The following CCBE1 variants were observed in gnomAD, a reference collection of about 807,000 sequenced individuals.
The protein encoded by CCBE1 is collagen and calcium-binding EGF domain-containing protein 1.
Under a neutral mutation model 50.0 loss-of-function variants are expected in CCBE1, and 37 were observed. The observed-to-expected ratio is 0.74, with a 90% CI of 0.57 to 0.97. The LOEUF is 0.97. Ranked by LOEUF, CCBE1 falls within the 50% of genes least tolerant of loss-of-function variation. CCBE1 has a pLI of 0.00. For missense variants in CCBE1, 538 were observed against 523.8 expected, an observed-to-expected ratio of 1.03 and a Z score of -0.26; for synonymous variants, 234 against 203.7, an observed-to-expected ratio of 1.15 and a Z score of -1.27.
At chr18:59,661,465 A>G (rs1470440124) in intron 2 of CCBE1, among the ~76,000 whole-genome samples, 4 of 152,192 alleles carry the variant, frequency 2.6e-5, no homozygotes, top group South Asian at 2.1e-4. Flanking sequence ...TTTAACTTCC[A>G]TAGTTAATGA....
intron 5 of CCBE1, among the ~76,000 whole-genome samples, chr18:59,460,445 T>C (rs550332855): frequency 2.0e-5 from 3 of 152,354 alleles, no homozygotes; most frequent in South Asian, 4.1e-4. Context: ...AGCTTACTAA[T>C]TAGTCCAAAA....
chr18:59,665,431 T>C (rs1396761770), intron 2 of CCBE1, among the ~76,000 whole-genome samples: 1 of 152,194 alleles, frequency 6.6e-6, no homozygotes. Flanking sequence ...CATTTAAAAA[T>C]AAGTGTTGGG....
In CCBE1 at chr18:59,590,463, A is replaced by G. The variant is rs148239956; in HGVS notation, c.212+106166T>C. Reference sequence around the variant, plus strand: ...TCTCCTTAATTTATAAATTTCAATAAAATTACAAACTCCAAAAATATCAAA... The same window carrying G: ...TCTCCTTAATTTATAAATTTCAATAGAATTACAAACTCCAAAAATATCAAA... On this transcript the variant is annotated intron_variant, in intron 2 of 10. Coordinates refer to ENST00000439986, the MANE Select transcript of CCBE1 (RefSeq NM_133459.4). Among the ~76,000 whole-genome samples, 2 of 152,328 alleles carry G rather than the reference A, an allele frequency of 1.3e-5. 1 individual carries two copies. Among genetic ancestry groups the G allele is most frequent in the African/African-American group, 4.8e-5 (2 of 41,578 alleles).
intron 2 of CCBE1, among the ~76,000 whole-genome samples, chr18:59,619,468 C>T (rs573820746): frequency 2.0e-5 from 3 of 152,320 alleles, no homozygotes; most frequent in South Asian, 2.1e-4. Context: ...TACATTTGCA[C>T]ACCACTGTGG....
intron 2 of CCBE1, among the ~76,000 whole-genome samples, chr18:59,606,535 C>T (rs749917943): frequency 6.6e-6 from 1 of 152,124 alleles, no homozygotes; most frequent in Non-Finnish European, 1.5e-5. Flanking sequence ...GATAACATCC[C>T]GTCCGTATGT....
At chr18:59,577,063 C>T (rs1340790182) in intron 2 of CCBE1, among the ~76,000 whole-genome samples, 4 of 152,192 alleles carry the variant, frequency 2.6e-5, no homozygotes, top group South Asian at 4.1e-4. Flanking sequence ...TTTCCTTCTC[C>T]GAAGGGTCCT....
intron 5 of CCBE1, chr18:59,465,068 C>G (rs1031774055): frequency 6.6e-6 from 1 of 152,262 alleles, no homozygotes; most frequent in Non-Finnish European, 1.5e-5. Context: ...GCACCAGCCT[C>G]AGGCCCTCTA....
At chr18:59,547,808 G>A (rs1459268735) in intron 2 of CCBE1, among the ~76,000 whole-genome samples, 1 of 152,208 alleles carries the variant, frequency 6.6e-6, no homozygotes, top group Non-Finnish European at 1.5e-5. Flanking sequence ...CAGAAGCAGA[G>A]TGCTGGGGCA....
intron 2 of CCBE1, among the ~76,000 whole-genome samples, chr18:59,510,084 A>G (rs1163356074): frequency 1.3e-5 from 2 of 152,166 alleles, no homozygotes; most frequent in Non-Finnish European, 1.5e-5. Context: ...AGATCCAAAT[A>G]CCGCCAACAC....
At chr18:59,685,801 T>C (rs781634767) in intron 2 of CCBE1, 2 of 152,228 alleles carry the variant, frequency 1.3e-5, no homozygotes, top group South Asian at 2.1e-4. Context: ...TCTGTTGTTA[T>C]AGTGATATAG....
At chr18:59,663,624 G>C (rs550409950) in intron 2 of CCBE1, among the ~76,000 whole-genome samples, 1 of 151,970 alleles carries the variant, frequency 6.6e-6, no homozygotes, top group Admixed American at 6.6e-5. Context: ...AGCTGGGTAC[G>C]TTTGGGGGAC....
chr18:59,553,513 T>G (rs1916003036), intron 2 of CCBE1, among the ~76,000 whole-genome samples: 1 of 152,082 alleles, frequency 6.6e-6, no homozygotes, highest in Non-Finnish European at 1.5e-5. Context: ...GGATATGGAG[T>G]CGTAGCTGCT....
At chr18:59,474,882 T>G (rs1912233160) in intron 3 of CCBE1, among the ~76,000 whole-genome samples, 1 of 152,244 alleles carries the variant, frequency 6.6e-6, no homozygotes, top group Non-Finnish European at 1.5e-5. Context: ...CAATTCAACC[T>G]TTTGGATTGT....
chr18:59,631,511 T>C (rs1481027925), intron 2 of CCBE1, among the ~76,000 whole-genome samples: 1 of 152,160 alleles, frequency 6.6e-6, no homozygotes, highest in Non-Finnish European at 1.5e-5. Context: ...AAGGCACTTA[T>C]GGAATGAGCC....
At chr18:59,447,621 G>T (rs113155053) in intron 7 of CCBE1, among the ~76,000 whole-genome samples, 4 of 152,202 alleles carry the variant, frequency 2.6e-5, no homozygotes, top group African/African-American at 9.6e-5. Flanking sequence ...TGGGTGAGGA[G>T]CCCCAAGCAG....
In CCBE1 at chr18:59,625,082, G is replaced by A. The variant is rs1305696823; in HGVS notation, c.212+71547C>T. On this transcript the variant is annotated intron_variant, in intron 2 of 10. Coordinates refer to ENST00000439986, the MANE Select transcript of CCBE1 (RefSeq NM_133459.4). ...AAGTTTGACCACCATGGTAACAAAT[G>A]GAAACCAAAATCCCCTGCTATAAAG... is the stretch of plus-strand genomic sequence containing the variant. 2.0e-5 allele frequency among the ~76,000 whole-genome samples: 3 copies of A among 152,124 alleles called. No individual in the cohort carries two copies. The South Asian group carries it at 6.2e-4, about 32-fold the overall frequency.
chr18:59,617,551 G>A (rs2053653300), intron 2 of CCBE1, among the ~76,000 whole-genome samples: 1 of 152,202 alleles, frequency 6.6e-6, no homozygotes, highest in African/African-American at 2.4e-5. Flanking sequence ...CCGGCCAAGA[G>A]CCAGTCACAG....
chr18:59,594,134 G>A (rs1006007545), intron 2 of CCBE1, among the ~76,000 whole-genome samples: 16 of 152,120 alleles, frequency 1.1e-4, no homozygotes, highest in Non-Finnish European at 1.5e-4. Context: ...GCCATCTTGG[G>A]GCCCCCAAAA....
intron 5 of CCBE1, among the ~76,000 whole-genome samples, chr18:59,461,166 A>G (rs1292339202): frequency 6.6e-6 from 1 of 152,110 alleles, no homozygotes; most frequent in Non-Finnish European, 1.5e-5. Context: ...TTAATACTGA[A>G]CCAACTTTGG....
Sources: gnomAD v4.1 joint callset for allele counts (sites outside exome capture counted in the v4.1 genomes callset) on GRCh38, gnomAD v4.1.1 for gene constraint, MANE v1.5 for transcripts, NCBI Gene and HGNC (gene_info 2026-07-23, HGNC 2026-07-21) for gene names.